The following MITF variants were observed in gnomAD, a reference collection of about 807,000 sequenced individuals.
The protein encoded by MITF is melanocyte inducing transcription factor, also known as microphthalmia-associated transcription factor.
A neutral mutation model predicts 60.5 loss-of-function variants in MITF; 17 were observed. The observed-to-expected ratio is 0.28, with a 90% CI of 0.19 to 0.42. The LOEUF (loss-of-function observed/expected upper bound fraction) is 0.42. Among genes scored for constraint, MITF ranks in the 10% least tolerant of loss-of-function variants. The probability of loss-of-function intolerance (pLI) is 1.00; values close to 1 mark genes in which losing one functional copy is unlikely to be tolerated. For missense variants in MITF, 622 were observed against 683.5 expected (o/e 0.91, Z 1.00); for synonymous variants, 260 against 248.5 (o/e 1.05, Z -0.43).
intron 1 of MITF, among the ~76,000 whole-genome samples, chr3:69,810,329 AT>A (rs1245781275): frequency 1.3e-5 from 2 of 151,870 alleles, no homozygotes; most frequent in Non-Finnish European, 2.9e-5. Flanking sequence ...AATGTGGTTA[AT>A]TTTTTTTCCA....
At chr3:69,781,483 G>A (rs2062563192) in intron 1 of MITF, among the ~76,000 whole-genome samples, 2 of 152,078 alleles carry the variant, frequency 1.3e-5, no homozygotes, top group African/African-American at 2.4e-5. Context: ...TTGTAAAGAC[G>A]ACACCAGCGA....
chr3:69,840,755 CTT>C (rs200258297), intron 1 of MITF, among the ~76,000 whole-genome samples: 37 of 138,422 alleles, frequency 2.7e-4, no homozygotes, highest in Admixed American at 5.1e-4. Flanking sequence ...GTTTTTTTCT[CTT>C]TTTTTTTTTT....
chr3:69,930,094 A>G (rs1014966095), intron 2 of MITF, among the ~76,000 whole-genome samples: 2 of 152,138 alleles, frequency 1.3e-5, no homozygotes, highest in East Asian at 1.9e-4. Flanking sequence ...GGAGGAGCCA[A>G]TTTGGAAGAG....
At chr3:69,783,713 G>A (rs1210329977) in intron 1 of MITF, among the ~76,000 whole-genome samples, 3 of 151,610 alleles carry the variant, frequency 2.0e-5, no homozygotes, top group African/African-American at 7.3e-5. Context: ...TTTTTTGTTC[G>A]TGTATGTGTA....
intron 2 of MITF, among the ~76,000 whole-genome samples, chr3:69,926,697 C>A (rs1182759000): frequency 6.6e-6 from 1 of 152,030 alleles, no homozygotes; most frequent in Non-Finnish European, 1.5e-5. Context: ...TGACAATGGG[C>A]CATTATAAAG....
chr3:69,782,492 C>T (rs964188250), intron 1 of MITF, among the ~76,000 whole-genome samples: 1 of 152,168 alleles, frequency 6.6e-6, no homozygotes, highest in African/African-American at 2.4e-5. Context: ...GATGAGAACA[C>T]TGAGATTAAG....
chr3:69,853,558 T>A (rs2063862520), intron 1 of MITF, among the ~76,000 whole-genome samples: 1 of 152,082 alleles, frequency 6.6e-6, no homozygotes, highest in Non-Finnish European at 1.5e-5. Flanking sequence ...TCTTAAAAAA[T>A]AGAACCCTCT....
chr3:69,865,624 G>C (rs933394760), intron 1 of MITF, among the ~76,000 whole-genome samples: 1 of 152,140 alleles, frequency 6.6e-6, no homozygotes. Context: ...CCATAATTAG[G>C]AGCAGTTTGT....
At chr3:69,949,011 G>T (rs376905046) in intron 5 of MITF, 40 bp from the exon 6 acceptor site, 8 of 1,408,720 alleles carry the variant, frequency 5.7e-6, no homozygotes, top group African/African-American at 1.4e-5. Flanking sequence ...CATGGGAATT[G>T]TTCAACAGTT....
At chr3:69,882,308 T>G (rs2064507854) in intron 2 of MITF, among the ~76,000 whole-genome samples, 1 of 152,130 alleles carries the variant, frequency 6.6e-6, no homozygotes, top group Non-Finnish European at 1.5e-5. Flanking sequence ...AGCCTCTGGT[T>G]TCTATATTGA....
intron 1 of MITF, chr3:69,866,185 T>C: frequency 1.9e-6 from 3 of 1,565,104 alleles, no homozygotes; most frequent in Middle Eastern, 1.7e-4. Context: ...GATTGGAGTT[T>C]CCAGGGCCTT....
chr3:69,936,537 T>A (rs2065839308), intron 2 of MITF: 1 of 1,356,370 alleles, frequency 7.4e-7, no homozygotes, highest in African/African-American at 1.5e-5. Context: ...TTTTTTTACA[T>A]GCATAACTAA....
At chr3:69,877,578 A>G (rs2064383945) in intron 1 of MITF, among the ~76,000 whole-genome samples, 1 of 152,092 alleles carries the variant, frequency 6.6e-6, no homozygotes, top group South Asian at 2.1e-4. Context: ...TAATGGTTGC[A>G]TCATGTTACA....
At chr3:69,755,179 T>G (rs1559610652) in intron 1 of MITF, among the ~76,000 whole-genome samples, 1 of 152,214 alleles carries the variant, frequency 6.6e-6, no homozygotes, top group Non-Finnish European at 1.5e-5. Context: ...TTATAGACTA[T>G]AGCTAAGTGG....
At chr3:69,825,750 T>C (rs567816468) in intron 1 of MITF, among the ~76,000 whole-genome samples, 2 of 152,292 alleles carry the variant, frequency 1.3e-5, no homozygotes, top group South Asian at 4.1e-4. Context: ...GATCCCTTTA[T>C]TTTTGAGATG....
chr3:69,802,769 G>A (rs758120189), intron 1 of MITF, among the ~76,000 whole-genome samples: 7 of 134,178 alleles, frequency 5.2e-5, no homozygotes, highest in Non-Finnish European at 1.1e-4. Flanking sequence ...TCGGCTTACT[G>A]CAATCTCCGC....
intron 1 of MITF, among the ~76,000 whole-genome samples, chr3:69,802,741 G>T (rs1446004828): frequency 7.0e-6 from 1 of 143,348 alleles, no homozygotes; most frequent in Non-Finnish European, 1.5e-5. Flanking sequence ...GCCCAGGCTG[G>T]AGTGCAATGG....
chr3:69,833,663 CCTGTTTACACTGTATGTGGTTCT>C (rs538036851), intron 1 of MITF, among the ~76,000 whole-genome samples: 72,827 of 147,752 alleles, frequency 0.49, 19,733 homozygotes, highest in Non-Finnish European at 0.63. Flanking sequence ...TGGTTGTTTC[CCTGTTTACACTGTATGTGGTTCT>C]CTGTTTACAC....
At position 69,965,106 on chromosome 3, in the gene MITF, A is replaced by G; in HGVS notation, c.1439A>G (p.Lys480Arg). The G allele has an allele frequency of 6.2e-7, 1 of 1,614,154 alleles. No individual in the cohort carries two copies. The change falls in exon 10 of 10, where the codon AAA (lysine) becomes AGA (arginine). Residue 480 changes from lysine to arginine, a missense_variant. Lys to Arg is a conservative substitution (Grantham distance 26). Around this residue, in one of 5 missense-constraint regions of MITF, gnomAD observed 224 missense variants for 209.5 expected, o/e 1.07. Transcript: ENST00000352241. The part of the protein sequence containing the change: ...AYSVPTKMGS[K>R]LEDILMDDTL... ...AGTGTCCCCACAAAAATGGGATCCA[A>G]ACTGGAAGACATCCTGATGGACGAC... is the stretch of plus-strand genomic sequence containing the variant.
Sources: gnomAD v4.1 joint callset for allele counts (sites outside exome capture counted in the v4.1 genomes callset) on GRCh38, gnomAD v4.1.1 for gene constraint, gnomAD v4.1.1 regional missense constraint, MANE v1.5 for transcripts, NCBI Gene and HGNC (gene_info 2026-07-23, HGNC 2026-07-21) for gene names.